The following KARS1 variants were observed in gnomAD, a reference collection of about 807,000 sequenced individuals.
The protein encoded by KARS1 is lysine--tRNA ligase.
Under a neutral mutation model 63.9 loss-of-function variants are expected in KARS1, and 50 were observed. The ratio of observed to expected loss-of-function variants is 0.78; its 90% CI spans 0.62 to 0.99. The LOEUF is 0.99. Among genes scored for constraint, KARS1 ranks in the 50% least tolerant of loss-of-function variants. The pLI is 0.00. For missense variants in KARS1, 816 were observed against 754.5 expected (o/e 1.08, Z -0.95); for synonymous variants, 320 against 264.6 (o/e 1.21, Z -2.03).
At chr16:75,629,836 C>T (rs1261564870) in intron 11 of KARS1, among the ~76,000 whole-genome samples, 1 of 152,168 alleles carries the variant, frequency 6.6e-6, no homozygotes. Flanking sequence ...ACATCTAATA[C>T]AATAATTGAA....
At chr16:75,633,271 C>G (rs1567499944) in intron 7 of KARS1, among the ~76,000 whole-genome samples, 1 of 152,308 alleles carries the variant, frequency 6.6e-6, no homozygotes, top group East Asian at 1.9e-4. Context: ...ACTGGCAAAA[C>G]AGAGTATCTG....
At chr16:75,635,869 CAG>C in intron 5 of KARS1, 41 bp downstream of exon 5, 5 of 1,613,970 alleles carry the variant, frequency 3.1e-6, no homozygotes, top group Non-Finnish European at 4.2e-6. Flanking sequence ...ATAAAACAAA[CAG>C]AAAGCTAGGA....
intron 1 of KARS1, among the ~76,000 whole-genome samples, chr16:75,646,794 G>C (rs1370175474): frequency 6.6e-6 from 1 of 151,832 alleles, no homozygotes; most frequent in Non-Finnish European, 1.5e-5. Context: ...TAACAAGTGC[G>C]CGCCACGGGG....
At chr16:75,641,763 G>C (rs778548121) in intron 1 of KARS1, 40 bp from the exon 2 acceptor site, 3 of 1,607,028 alleles carry the variant, frequency 1.9e-6, no homozygotes, top group East Asian at 2.2e-5. Context: ...TTAGCTGCCT[G>C]AAGAGTCCTC....
Position 75,639,351 on chromosome 16 carries a change from C to T in KARS1, c.388+833G>A, listed in dbSNP as rs181920740. Among the ~76,000 whole-genome samples, 28 of 151,942 alleles carry T rather than the reference C, an allele frequency of 1.8e-4. No homozygotes were observed. In the East Asian group the frequency reaches 5.2e-3, roughly 28 times the overall value. On this transcript the variant is annotated intron_variant, in intron 3 of 13. Coordinates refer to ENST00000302445, the MANE Select transcript of KARS1 (RefSeq NM_005548.3). ...CTTTGGGAAGCCGAGGCAGGTGGATCACCTGAGGTCAGGAGTTCGAGACCA... is the reference window on the plus strand; with the variant it reads ...CTTTGGGAAGCCGAGGCAGGTGGATTACCTGAGGTCAGGAGTTCGAGACCA...
intron 3 of KARS1, among the ~76,000 whole-genome samples, chr16:75,638,790 A>G (rs1159553341): frequency 6.6e-6 from 1 of 152,282 alleles, no homozygotes; most frequent in African/African-American, 2.4e-5. Flanking sequence ...ACAATTATCG[A>G]AAAGAATCAA....
chr16:75,639,997 AAT>A (rs1396792700), intron 3 of KARS1, 185 bp downstream of exon 3: 3 of 615,146 alleles, frequency 4.9e-6, no homozygotes, highest in Admixed American at 2.8e-5. Flanking sequence ...CCTCATCTGG[AAT>A]ATGATTCCAT....
chr16:75,639,916 G>A (rs780909567), intron 3 of KARS1: 12 of 485,190 alleles, frequency 2.5e-5, no homozygotes, highest in African/African-American at 7.7e-5. Context: ...TTAGAAGCCT[G>A]AGACTTCTAC....
rs372548951 is a variant in KARS1, at chr16:75,628,931, AC to A, written c.1552-220del. On this transcript the variant is annotated intron_variant, in intron 12 of 13. Transcript: ENST00000302445. Reference sequence around the variant, plus strand: ...TGATGAAATCGACCTCAGAACACATACAAATTTCTCTGAAAGAAAACCCTTC... The same window carrying A: ...TGATGAAATCGACCTCAGAACACATAAAATTTCTCTGAAAGAAAACCCTTC... 2.4e-3 allele frequency: 1,437 copies of A among 591,360 alleles called. 19 individuals carry two copies. The highest frequency in any genetic ancestry group is 0.024 in the African/African-American group (1,295 of 53,710). The allele number at this position is 591,360 out of a possible 1,614,324, so 36.6% of individuals were successfully genotyped here. A position where few individuals can be genotyped will look rare whatever the true frequency, so the allele number is the denominator to read the frequency against.
At chr16:75,639,409 T>C (rs1431135892) in intron 3 of KARS1, among the ~76,000 whole-genome samples, 2 of 151,360 alleles carry the variant, frequency 1.3e-5, no homozygotes, top group African/African-American at 2.4e-5. Context: ...CCATCTCTAC[T>C]AAAAATACAA....
intron 1 of KARS1, among the ~76,000 whole-genome samples, chr16:75,642,237 T>C (rs1303581637): frequency 2.9e-5 from 4 of 138,504 alleles, no homozygotes; most frequent in African/African-American, 5.3e-5. Flanking sequence ...AGAGTTTTGC[T>C]CTGTGGCCCA....
chr16:75,627,953 TTCTTG>T lies in KARS1; in HGVS notation c.1731_1735del (p.Asp577GlufsTer8), dbSNP rs756837046. 1 of 1,611,556 alleles carries T rather than the reference TTCTTG, an allele frequency of 6.2e-7. No individual in the cohort carries two copies. Among genetic ancestry groups the T allele is most frequent in the Non-Finnish European group, 8.5e-7 (1 of 1,177,736 alleles). ...TGTATCAGTGGTTGCTACATTCTCC[TTCTTG>T]TCTTCGGGTTTCATGGCAGGAAACA... On this transcript the variant is annotated frameshift_variant, in exon 14 of 14. Coordinates refer to ENST00000302445, the MANE Select transcript of KARS1 (RefSeq NM_005548.3). LOFTEE classifies it high-confidence loss of function.
Position 75,641,738 on chromosome 16 carries a change from A to C in KARS1, c.63-15T>G. The C allele has an allele frequency of 6.2e-7, 1 of 1,613,322 alleles. No homozygotes were observed. On this transcript the variant is annotated splice_polypyrimidine_tract_variant and intron_variant, in intron 1 of 13. Transcript: ENST00000302445. ...TCTTCAGCTCACTGTTGGAAAGATG[A>C]AAGCGTTCAATGTGTTAGCTGCCTG...
chr16:75,644,480 G>T, intron 1 of KARS1: 2 of 1,562,724 alleles, frequency 1.3e-6, no homozygotes, highest in Admixed American at 1.8e-5. Flanking sequence ...GAAACACAGA[G>T]ATGTGGTGTC....
intron 10 of KARS1, among the ~76,000 whole-genome samples, chr16:75,630,793 C>A (rs2082103732): frequency 6.6e-6 from 1 of 152,018 alleles, no homozygotes; most frequent in Admixed American, 6.6e-5. Context: ...CGCCACCATA[C>A]CCAGCTCATT....
At position 75,640,225 on chromosome 16, in the gene KARS1, T is replaced by G; in HGVS notation, c.347A>C (p.Gln116Pro). The change falls in exon 3 of 14, where the codon CAG becomes CCG. Residue 116 changes from glutamine (Q) to proline (P), a missense_variant. By Grantham distance (76) the Gln-to-Pro change is moderately conservative (BLOSUM62 -1). Transcript: ENST00000302445. ...TDFIQKYSHL[Q>P]PGDHLTDITL... is the part of the protein sequence containing the mutation. The stretch of plus-strand genomic sequence containing the variant: ...GATGTCAGTCAGGTGATCCCCAGGC[T>G]GCAGGTGACTATATTTTTGGATGAA... 2 of 1,614,178 alleles carry G rather than the reference T, an allele frequency of 1.2e-6. No homozygotes were observed. The highest frequency in any genetic ancestry group is 1.7e-6 in the Non-Finnish European group (2 of 1,180,004).
rs776756075 is a variant in KARS1 at position 75,631,781 on chromosome 16, C to T, written c.990G>A (p.Thr330=). Residue 330 remains threonine (T), a synonymous_variant, in exon 8 of 14, where the codon ACG becomes ACA. Coordinates refer to ENST00000302445, the MANE Select transcript of KARS1 (RefSeq NM_005548.3). ...CACAGGTGGTGAACTCAGGATTGTG[C>T]GTCAAATCAATCCCCTCATTCCGGA... The part of the protein sequence containing the change: ...RQFRNEGIDL[T]HNPEFTTCEF... 15 of 1,613,672 alleles carry T rather than the reference C, an allele frequency of 9.3e-6. No homozygotes were observed. Among genetic ancestry groups the T allele is most frequent in the African/African-American group, 2.7e-5 (2 of 74,890 alleles).
Position 75,647,634 on chromosome 16 carries a change from C to T in KARS1, c.6G>A (p.Ala2=), listed in dbSNP as rs768389157. M[A]AVQAAEVKVD... is the part of the protein sequence containing the mutation. The stretch of plus-strand genomic sequence containing the variant: ...CTTTCACCTCGGCCGCCTGCACGGC[C>T]GCCATCTTCCCGGAGGGCCCGACCC... Residue 2 remains alanine, a synonymous_variant, in exon 1 of 14, where the codon GCG becomes GCA. Coordinates refer to ENST00000302445, the MANE Select transcript of KARS1 (RefSeq NM_005548.3). 18 of 1,613,936 alleles carry T rather than the reference C, an allele frequency of 1.1e-5. No individual in the cohort carries two copies. Among genetic ancestry groups the T allele is most frequent in the Middle Eastern group, 3.3e-4 (2 of 6,062 alleles).
intron 3 of KARS1, chr16:75,639,787 T>G (rs369637915): frequency 5.4e-4 from 91 of 169,034 alleles, no homozygotes; most frequent in Middle Eastern, 5.7e-3. Context: ...TGATTTTTTT[T>G]TTTTGTTTTT....
Sources: allele counts gnomAD v4.1 joint callset (sites outside exome capture counted in the v4.1 genomes callset), GRCh38; gene constraint gnomAD v4.1.1; transcripts MANE v1.5; gene names NCBI Gene and HGNC (gene_info 2026-07-23, HGNC 2026-07-21).